NECAB2: variants seen among roughly 807,000 people sequenced by gnomAD.
NECAB2 encodes the protein N-terminal EF-hand calcium-binding protein 2.
A neutral mutation model predicts 51.9 loss-of-function variants in NECAB2; 68 were observed. That is an observed-to-expected ratio of 1.31 (90% CI 1.08 to 1.60). The LOEUF (loss-of-function observed/expected upper bound fraction) is 1.60. NECAB2 is among the 40% of genes most tolerant of loss of function. The pLI, the probability that NECAB2 is intolerant of heterozygous loss-of-function variation, is 0.00. For missense variants in NECAB2, 854 were observed against 490.3 expected (o/e 1.74, Z -7.00); for synonymous variants, 329 against 203.5 (o/e 1.62, Z -5.25).
intron 3 of NECAB2, 134 bp from the exon 4 acceptor site, chr16:83,980,705 T>G: frequency 8.1e-7 from 1 of 1,238,502 alleles, no homozygotes; most frequent in Non-Finnish European, 1.1e-6. Context: ...CCCTCTTCTG[T>G]AAGGCGGAGC....
At chr16:83,999,367 G>C (rs1169993522) in intron 10 of NECAB2, among the ~76,000 whole-genome samples, 5 of 152,204 alleles carry the variant, frequency 3.3e-5, no homozygotes, top group Admixed American at 6.5e-5. Flanking sequence ...GGAGGCTCCA[G>C]GGTGAAGTAG....
At chr16:83,983,988 A>ATT (rs997685273) in intron 5 of NECAB2, among the ~76,000 whole-genome samples, 40 of 144,548 alleles carry the variant, frequency 2.8e-4, no homozygotes, top group African/African-American at 1.0e-3. Flanking sequence ...ACATATATAT[A>ATT]TATGGTGGTT....
upstream of NECAB2, chr16:83,965,303 C>T (rs1180938588): frequency 6.3e-7 from 1 of 1,595,828 alleles, no homozygotes; most frequent in African/African-American, 1.3e-5. Flanking sequence ...CAACGTGGTC[C>T]TCGCCACAGG....
chr16:83,987,220 C>G (rs1018286619), intron 5 of NECAB2, among the ~76,000 whole-genome samples: 1 of 152,068 alleles, frequency 6.6e-6, no homozygotes, highest in Admixed American at 6.6e-5. Context: ...TCATTTTTGC[C>G]CATTTCAGAG....
Position 83,998,429 on chromosome 16 carries a change from G to GAA in NECAB2, c.962+113_962+114insAA, listed in dbSNP as rs927300089. ...TAAGTAGTACAAGTTGCACCCCAGGGACACACACAGCTGGATGCGTAAGAA... is the reference window on the plus strand; with the variant it reads ...TAAGTAGTACAAGTTGCACCCCAGGGAAACACACACAGCTGGATGCGTAAGAA... On this transcript the variant is annotated intron_variant, in intron 10 of 12. Coordinates refer to ENST00000305202, the MANE Select transcript of NECAB2 (RefSeq NM_019065.3). 5.2e-6 allele frequency: 5 copies of GAA among 962,628 alleles called. No homozygotes were observed. In the African/African-American group the frequency reaches 6.5e-5, roughly 13 times the overall value. The allele number at this position is 962,628 out of a possible 1,614,324, so 59.6% of individuals were successfully genotyped here. A position where few individuals can be genotyped will look rare whatever the true frequency, so the allele number is the denominator to read the frequency against.
chr16:83,969,059 A>G (rs1253941384), intron 1 of NECAB2, among the ~76,000 whole-genome samples: 1 of 130,928 alleles, frequency 7.6e-6, no homozygotes, highest in Non-Finnish European at 1.6e-5. Flanking sequence ...GGACCGGGAG[A>G]CCCCCCTCCT....
intron 3 of NECAB2, 120 bp downstream of exon 3, chr16:83,978,672 T>G: frequency 2.4e-6 from 2 of 842,062 alleles, no homozygotes; most frequent in South Asian, 1.6e-5. Context: ...AATCCCCAAA[T>G]TTGCTAATCC....
intron 2 of NECAB2, among the ~76,000 whole-genome samples, chr16:83,975,811 A>G (rs560968042): frequency 1.4e-4 from 21 of 152,270 alleles, no homozygotes; most frequent in Admixed American, 1.4e-3. Flanking sequence ...CTAATTAGCA[A>G]AGACACCTGC....
intron 3 of NECAB2, among the ~76,000 whole-genome samples, 167 bp from the exon 4 acceptor site, chr16:83,980,672 G>A (rs1005452369): frequency 3.9e-5 from 6 of 152,146 alleles, no homozygotes; most frequent in Non-Finnish European, 7.4e-5. Flanking sequence ...CTTCAGGGGC[G>A]GGGGTGTCAC....
intron 5 of NECAB2, among the ~76,000 whole-genome samples, chr16:83,984,844 A>C (rs1432291168): frequency 6.6e-6 from 1 of 152,214 alleles, no homozygotes; most frequent in Non-Finnish European, 1.5e-5. Context: ...AGCTGTTTCA[A>C]ATAACAAGCT....
chr16:83,994,319 C>A lies in NECAB2; in HGVS notation c.614C>A (p.Pro205His), dbSNP rs771258773. ...TSQLRQNHIK[P>H]SHSAAQTWCG... The stretch of plus-strand genomic sequence containing the variant: ...AACTGCAGACAGAACCACATCAAAC[C>A]CAGCCACAGCGCGGCACAGACCTGG... Residue 205 changes from proline (P) to histidine (H), a missense_variant, in exon 7 of 13, where the codon CCC (proline) becomes CAC (histidine). Pro to His is a moderately conservative substitution (Grantham distance 77). Coordinates refer to ENST00000305202, the MANE Select transcript of NECAB2 (RefSeq NM_019065.3). 1.9e-6 allele frequency: 3 copies of A among 1,614,214 alleles called. No individual in the cohort carries two copies. The South Asian group carries it at 3.3e-5, about 18-fold the overall frequency.
rs1008403697 is a variant in NECAB2 at position 83,997,095 on chromosome 16, C to T, written c.796-121C>T. ...CACTTCCTAGCGTTGGTCTCCCAGC[C>T]CTGTGCAACAGGGCCGGGTCCTTGG... On this transcript the variant is annotated intron_variant, in intron 8 of 12. Transcript: ENST00000305202. 1.1e-5 allele frequency: 12 copies of T among 1,126,186 alleles called. No homozygotes were observed. In the African/African-American group the frequency reaches 1.4e-4, roughly 13 times the overall value. 69.8% of individuals were successfully genotyped at this position (1,126,186 alleles called of 1,614,324 possible).
chr16:83,981,814 C>T (rs943264782), intron 5 of NECAB2, among the ~76,000 whole-genome samples: 6 of 152,134 alleles, frequency 3.9e-5, no homozygotes, highest in Admixed American at 1.3e-4. Flanking sequence ...TCCAGGCCCA[C>T]GGTGAGGGAA....
upstream of NECAB2, chr16:83,965,978 C>A: frequency 2.5e-6 from 4 of 1,596,636 alleles, no homozygotes; most frequent in Non-Finnish European, 3.4e-6. Context: ...CAGCTCCCTG[C>A]TAAGGAAGGA....
At position 83,972,079 on chromosome 16, in the gene NECAB2, A is replaced by G. The variant is rs571405731; in HGVS notation, c.202-72A>G. 7 of 1,594,700 alleles carry G rather than the reference A, an allele frequency of 4.4e-6. No homozygotes were observed. The East Asian group carries it at 1.6e-4, about 36-fold the overall frequency. The stretch of plus-strand genomic sequence containing the variant: ...CCTGGGAGAAGAGAAGGATCCCAGT[A>G]TCCGGTCAGAGGCTGCAGGAAGCGC... On this transcript the variant is annotated intron_variant, in intron 1 of 12. Transcript: ENST00000305202.
In NECAB2 at chr16:83,998,315, C is replaced by T. The variant is rs1454356014; in HGVS notation, c.960C>T (p.Phe320=). ...GGACCACTGGCGTGAGGAACTGCTTCCAGTGAGTGAGCTGCCGAGGCGTGG... is the reference window on the plus strand; with the variant it reads ...GGACCACTGGCGTGAGGAACTGCTTTCAGTGAGTGAGCTGCCGAGGCGTGG... ...LRGTTGVRNC[F]HITAVRLSDG... is the part of the protein sequence containing the mutation. The change falls in exon 10 of 13, where the codon TTC becomes TTT. Residue 320 remains phenylalanine (F), a splice_region_variant and synonymous_variant. Transcript: ENST00000305202. 7 of 1,613,268 alleles carry T rather than the reference C, an allele frequency of 4.3e-6. No homozygotes were observed. The highest frequency in any genetic ancestry group is 5.9e-6 in the Non-Finnish European group (7 of 1,179,882).
At chr16:83,977,894 T>C (rs2084433779) in intron 2 of NECAB2, among the ~76,000 whole-genome samples, 1 of 152,154 alleles carries the variant, frequency 6.6e-6, no homozygotes, top group Non-Finnish European at 1.5e-5. Context: ...GTTGGGAGCA[T>C]GCAGAGACCA....
rs572808143 is a variant in NECAB2, at chr16:83,974,138, C to T, written c.226+1963C>T. Among the ~76,000 whole-genome samples the T allele has an allele frequency of 5.9e-4, 90 of 152,146 alleles. 1 individual carries two copies. Among genetic ancestry groups the T allele is most frequent in the African/African-American group, 2.1e-3 (88 of 41,506 alleles). On this transcript the variant is annotated intron_variant, in intron 2 of 12. Transcript: ENST00000305202. ...TTGGGGCTTACATCTTACCAGCCAC[C>T]ACTATGTGACCGTTAGGGGCTGTCA...
At chr16:84,001,461 ACTTCAGTGACTCAT>A (rs1189224628) in intron 11 of NECAB2, among the ~76,000 whole-genome samples, 1 of 152,110 alleles carries the variant, frequency 6.6e-6, no homozygotes, top group Non-Finnish European at 1.5e-5. Flanking sequence ...CCCTGTCCGT[ACTTCAGTGACTCAT>A]AAAACGAGGG....
Sources: allele counts gnomAD v4.1 joint callset (sites outside exome capture counted in the v4.1 genomes callset), GRCh38; gene constraint gnomAD v4.1.1; transcripts MANE v1.5; gene names NCBI Gene and HGNC (gene_info 2026-07-23, HGNC 2026-07-21).